The following ROBO2 variants were observed in gnomAD, a reference collection of about 807,000 sequenced individuals.
The protein encoded by ROBO2 is roundabout homolog 2.
ROBO2 carries 53 observed loss-of-function variants against 160.8 expected under a neutral mutation model. The observed-to-expected ratio is 0.33, with a 90% confidence interval of 0.26 to 0.41. ROBO2 has a LOEUF of 0.41. ROBO2 is among the 10% of genes least tolerant of loss of function. The probability of loss-of-function intolerance (pLI) is 1.00; values close to 1 mark genes in which losing one functional copy is unlikely to be tolerated. For synonymous variants in ROBO2, 664 were observed against 611.7 expected (o/e 1.09, Z -1.26); for missense variants, 1,577 against 1,722.4 (o/e 0.92, Z 1.49).
chr3:77,536,518 T>A (rs541143759), intron 6 of ROBO2, among the ~76,000 whole-genome samples: 2 of 152,156 alleles, frequency 1.3e-5, no homozygotes, highest in Admixed American at 1.3e-4. Flanking sequence ...CTGAGTCAAG[T>A]TACTCTTTTG....
At chr3:76,042,932 C>T (rs1318614328) in intron 2 of ROBO2, among the ~76,000 whole-genome samples, 6 of 152,090 alleles carry the variant, frequency 3.9e-5, no homozygotes, top group East Asian at 1.9e-4. Flanking sequence ...TCAGGGAGCT[C>T]GGATTTTAAG....
rs139394284 is a variant in ROBO2 at position 76,807,848 on chromosome 3, G to A, written c.110-290166G>A. Among the ~76,000 whole-genome samples, 217 of 152,022 alleles carry A rather than the reference G, an allele frequency of 1.4e-3. 1 individual carries two copies. The highest frequency in any genetic ancestry group is 5.1e-3 in the African/African-American group (212 of 41,536). The stretch of plus-strand genomic sequence containing the variant: ...AATAAGTAGGCAGATAAATTATGAT[G>A]AGGTTCTCATCACTGAAAACACTAT... On this transcript the variant is annotated intron_variant, in intron 2 of 26. Transcript: ENST00000487694.
intron 2 of ROBO2, among the ~76,000 whole-genome samples, chr3:76,159,456 C>A (rs553879615): frequency 4.5e-4 from 69 of 152,130 alleles, no homozygotes; most frequent in Non-Finnish European, 7.8e-4. Context: ...TTAAAATCCA[C>A]ACATTTTAAA....
chr3:77,263,613 A>G (rs1397541143), intron 2 of ROBO2, among the ~76,000 whole-genome samples: 1 of 152,340 alleles, frequency 6.6e-6, no homozygotes, highest in Non-Finnish European at 1.5e-5. Context: ...ATAGTATTCC[A>G]TGGTGTATAT....
chr3:76,072,896 T>A (rs1230483122), intron 2 of ROBO2, among the ~76,000 whole-genome samples: 1 of 152,238 alleles, frequency 6.6e-6, no homozygotes, highest in Non-Finnish European at 1.5e-5. Flanking sequence ...TTCAGACCTC[T>A]GTTTCCTCAT....
rs143007533 is a variant in ROBO2 at position 76,619,922 on chromosome 3, G to T, written c.110-478092G>T. 9.1e-4 allele frequency among the ~76,000 whole-genome samples: 138 copies of T among 152,010 alleles called. 1 individual carries two copies. Among genetic ancestry groups the T allele is most frequent in the African/African-American group, 3.2e-3 (134 of 41,448 alleles). ...GGAATTTTATCTTAATTCAGCCCAGGTAAAACTCATTACAAATTAATAATA... is the reference window on the plus strand; with the variant it reads ...GGAATTTTATCTTAATTCAGCCCAGTTAAAACTCATTACAAATTAATAATA... On this transcript the variant is annotated intron_variant, in intron 2 of 26. Transcript: ENST00000487694.
intron 2 of ROBO2, among the ~76,000 whole-genome samples, chr3:77,427,549 A>G (rs2078330554): frequency 6.6e-6 from 1 of 152,204 alleles, no homozygotes; most frequent in South Asian, 2.1e-4. Context: ...TGAGGGGACA[A>G]GAAATTTCAA....
At chr3:77,245,271 A>T (rs1224235782) in intron 2 of ROBO2, among the ~76,000 whole-genome samples, 5 of 152,180 alleles carry the variant, frequency 3.3e-5, no homozygotes, top group African/African-American at 1.2e-4. Context: ...TTTCCTTTTC[A>T]TGGGGGGTGG....
chr3:76,479,190 AG>A (rs2079086112), intron 2 of ROBO2, among the ~76,000 whole-genome samples: 1 of 152,200 alleles, frequency 6.6e-6, no homozygotes, highest in African/African-American at 2.4e-5. Flanking sequence ...AAAGCAAAGT[AG>A]GTTTGTTAAT....
At chr3:76,515,655 G>A (rs2081315180) in intron 2 of ROBO2, among the ~76,000 whole-genome samples, 1 of 152,130 alleles carries the variant, frequency 6.6e-6, no homozygotes, top group Non-Finnish European at 1.5e-5. Flanking sequence ...TATGTATTGA[G>A]CATTTATTCT....
intron 2 of ROBO2, among the ~76,000 whole-genome samples, chr3:76,820,771 T>A (rs182431457): frequency 5.3e-4 from 80 of 152,142 alleles, no homozygotes; most frequent in African/African-American, 1.9e-3. Context: ...AATGTATAGA[T>A]GATTCTGTAT....
chr3:76,205,505 C>T (rs1031495825), intron 2 of ROBO2, among the ~76,000 whole-genome samples: 1 of 152,118 alleles, frequency 6.6e-6, no homozygotes, highest in Admixed American at 6.6e-5. Context: ...TGAGTTACAG[C>T]TCGTCTGTAT....
chr3:77,045,274 A>T (rs1414377379), intron 1 of ROBO2, among the ~76,000 whole-genome samples: 1 of 152,212 alleles, frequency 6.6e-6, no homozygotes, highest in Non-Finnish European at 1.5e-5. Flanking sequence ...TACTTGACTC[A>T]ACACAGTGTT....
At chr3:76,533,784 T>A (rs1261742576) in intron 2 of ROBO2, among the ~76,000 whole-genome samples, 1 of 151,886 alleles carries the variant, frequency 6.6e-6, no homozygotes, top group Non-Finnish European at 1.5e-5. Flanking sequence ...GGTCACAAGG[T>A]GCATGGTGGA....
intron 2 of ROBO2, among the ~76,000 whole-genome samples, chr3:76,188,318 T>C (rs1701855816): frequency 6.6e-6 from 1 of 151,948 alleles, no homozygotes; most frequent in South Asian, 2.1e-4. Flanking sequence ...AAGGAGAAAT[T>C]TGAACACAGA....
chr3:76,621,609 C>T (rs1578612669), intron 2 of ROBO2, among the ~76,000 whole-genome samples: 1 of 152,146 alleles, frequency 6.6e-6, no homozygotes, highest in South Asian at 2.1e-4. Context: ...AGTTCCTCAT[C>T]TGTAAATGAA....
At chr3:76,529,051 C>T (rs570971564) in intron 2 of ROBO2, among the ~76,000 whole-genome samples, 2 of 152,158 alleles carry the variant, frequency 1.3e-5, no homozygotes, top group Admixed American at 6.6e-5. Flanking sequence ...AGAAAAAACC[C>T]TGACTGAAAT....
At chr3:76,062,218 A>C (rs2068090973) in intron 2 of ROBO2, among the ~76,000 whole-genome samples, 1 of 152,198 alleles carries the variant, frequency 6.6e-6, no homozygotes, top group African/African-American at 2.4e-5. Context: ...AATCTTTGAA[A>C]GGCATAACTG....
At chr3:76,173,112 G>A (rs1330273463) in intron 2 of ROBO2, among the ~76,000 whole-genome samples, 1 of 144,732 alleles carries the variant, frequency 6.9e-6, no homozygotes, top group Admixed American at 6.8e-5. Context: ...ATTTCATTTT[G>A]AGCATAACTA....
Sources: gnomAD v4.1 joint callset for allele counts (sites outside exome capture counted in the v4.1 genomes callset) on GRCh38, gnomAD v4.1.1 for gene constraint, MANE v1.5 for transcripts, NCBI Gene and HGNC (gene_info 2026-07-23, HGNC 2026-07-21) for gene names.